LINGO2: variants seen among roughly 807,000 people sequenced by gnomAD.
The protein encoded by LINGO2 is leucine-rich repeat and immunoglobulin-like domain-containing nogo receptor-interacting protein 2.
A neutral mutation model predicts 30.6 loss-of-function variants in LINGO2; 14 were observed. That is an observed-to-expected ratio of 0.46 (90% CI 0.30 to 0.72). The LOEUF (loss-of-function observed/expected upper bound fraction) is 0.72, where lower values mean the gene tolerates loss of function less well. LINGO2 is among the 30% of genes least tolerant of loss of function. The pLI is 0.07. For synonymous variants in LINGO2, 317 were observed against 288.5 expected (o/e 1.10, Z -1.00); for missense variants, 729 against 751.7 (o/e 0.97, Z 0.35).
the LINGO2 span, among the ~76,000 whole-genome samples, chr9:29,022,947 C>T: frequency 6.7e-6 from 1 of 149,740 alleles, no homozygotes; most frequent in Non-Finnish European, 1.5e-5. Flanking sequence ...AAATAGTGAA[C>T]CAAACAAGGT....
intron 4 of LINGO2, among the ~76,000 whole-genome samples, chr9:28,151,139 C>T (rs1008369360): frequency 6.6e-6 from 1 of 152,066 alleles, no homozygotes; most frequent in Non-Finnish European, 1.5e-5. Flanking sequence ...TAAAGAAAAA[C>T]CTAAATAAGA....
chr9:28,203,584 G>T (rs1820312737), intron 4 of LINGO2, among the ~76,000 whole-genome samples: 1 of 151,968 alleles, frequency 6.6e-6, no homozygotes, highest in African/African-American at 2.4e-5. Context: ...CTCATCAAAG[G>T]TTTCCATAAA....
chr9:29,079,806 A>G, the LINGO2 span, among the ~76,000 whole-genome samples: 1 of 152,066 alleles, frequency 6.6e-6, no homozygotes, highest in East Asian at 1.9e-4. Context: ...TCAGAAAAAT[A>G]GAAGATGAAC....
chr9:28,767,079 G>C, the LINGO2 span, among the ~76,000 whole-genome samples: 1 of 151,196 alleles, frequency 6.6e-6, no homozygotes, highest in African/African-American at 2.5e-5. Context: ...TACCAGGTGT[G>C]GGGGAAGGTG....
At chr9:28,865,676 C>T in the LINGO2 span, among the ~76,000 whole-genome samples, 8 of 151,916 alleles carry the variant, frequency 5.3e-5, no homozygotes, top group African/African-American at 1.5e-4. Context: ...CCCAGCTACT[C>T]GGGAGGATGA....
At chr9:29,033,807 G>A in the LINGO2 span, among the ~76,000 whole-genome samples, 139 of 152,040 alleles carry the variant, frequency 9.1e-4, no homozygotes, top group African/African-American at 3.2e-3. Context: ...TTGCCACTTC[G>A]CATGTCAGAA....
At chr9:28,056,960 C>G (rs1397433945) in intron 4 of LINGO2, among the ~76,000 whole-genome samples, 1 of 152,080 alleles carries the variant, frequency 6.6e-6, no homozygotes, top group East Asian at 1.9e-4. Context: ...AAGAGAGTGT[C>G]TTGGTTTAGG....
At chr9:27,997,256 A>G (rs1399267011) in intron 5 of LINGO2, among the ~76,000 whole-genome samples, 1 of 152,200 alleles carries the variant, frequency 6.6e-6, no homozygotes, top group East Asian at 1.9e-4. Flanking sequence ...GCAGATGTGA[A>G]AGACTTAAGA....
intron 4 of LINGO2, among the ~76,000 whole-genome samples, chr9:28,237,155 GT>G (rs139511360): frequency 0.074 from 11,141 of 149,922 alleles, 561 homozygotes; most frequent in South Asian, 0.16. Context: ...TTTTTATTAG[GT>G]TTTTTTTGCA....
chr9:28,262,219 A>G (rs1180358353), intron 4 of LINGO2, among the ~76,000 whole-genome samples: 1 of 151,940 alleles, frequency 6.6e-6, no homozygotes, highest in Non-Finnish European at 1.5e-5. Context: ...GACGATGCTT[A>G]TAAATCACTT....
chr9:28,413,108 T>C (rs774981614), intron 2 of LINGO2, among the ~76,000 whole-genome samples: 27 of 152,156 alleles, frequency 1.8e-4, no homozygotes, highest in Non-Finnish European at 7.4e-5. Context: ...ACAGAATATG[T>C]GTTAATCTAC....
chr9:28,711,133 T>C, the LINGO2 span, among the ~76,000 whole-genome samples: 3 of 152,136 alleles, frequency 2.0e-5, no homozygotes, highest in African/African-American at 7.2e-5. Flanking sequence ...TAAAAAAATG[T>C]ATTTATTAAG....
intron 4 of LINGO2, among the ~76,000 whole-genome samples, chr9:28,186,089 A>T (rs1194749263): frequency 6.6e-6 from 1 of 151,632 alleles, no homozygotes; most frequent in Non-Finnish European, 1.5e-5. Context: ...ACCTCTTTTC[A>T]CTCCCTAGTT....
At chr9:28,588,939 A>C (rs751112109) in intron 1 of LINGO2, among the ~76,000 whole-genome samples, 1 of 152,110 alleles carries the variant, frequency 6.6e-6, no homozygotes, top group Non-Finnish European at 1.5e-5. Flanking sequence ...CCAGTGCTTC[A>C]AAGTAAGAGG....
chr9:28,990,073 G>A, the LINGO2 span, among the ~76,000 whole-genome samples: 14 of 152,356 alleles, frequency 9.2e-5, 1 homozygote, highest in South Asian at 2.9e-3. Flanking sequence ...CCATGCGTGA[G>A]CCGAAGCAGG....
At chr9:28,814,872 A>C in the LINGO2 span, among the ~76,000 whole-genome samples, 1 of 152,210 alleles carries the variant, frequency 6.6e-6, no homozygotes, top group Non-Finnish European at 1.5e-5. Flanking sequence ...AAGAGTGACA[A>C]AATCACTCAG....
the LINGO2 span, among the ~76,000 whole-genome samples, chr9:28,992,462 C>CAA: frequency 6.7e-6 from 1 of 150,278 alleles, no homozygotes; most frequent in African/African-American, 2.5e-5. Context: ...ATCAATGAGA[C>CAA]AAAGTTAACA....
At position 28,148,819 on chromosome 9, in the gene LINGO2, G is replaced by A. The variant is rs1248209028; in HGVS notation, c.-86-136414C>T. 14 of 1,533,744 alleles carry A rather than the reference G, an allele frequency of 9.1e-6. No homozygotes were observed. The highest frequency in any genetic ancestry group is 2.7e-5 in the African/African-American group (2 of 72,972). On this transcript the variant is annotated intron_variant, in intron 4 of 5. Coordinates refer to ENST00000379992, the Ensembl canonical transcript of LINGO2. This position sits in a 1 kb window ranked among gnomAD's most constrained non-coding sequence, Gnocchi z 5.1. ...CCCTGTGGCCAGAGAAGGCGGCCTTGAAGGTGCTGGGTAAAGACCACCTGC... is the reference window on the plus strand; with the variant it reads ...CCCTGTGGCCAGAGAAGGCGGCCTTAAAGGTGCTGGGTAAAGACCACCTGC...
chr9:27,942,617 GAA>G, the LINGO2 span: 3 of 152,000 alleles, frequency 2.0e-5, no homozygotes, highest in Admixed American at 6.6e-5. Context: ...CATTTTTTAC[GAA>G]AAGTTTTGTT....
Sources: gnomAD v4.1 joint callset for allele counts (sites outside exome capture counted in the v4.1 genomes callset) on GRCh38, gnomAD v4.1.1 for gene constraint, Gnocchi (gnomAD v3.1) non-coding constraint, MANE v1.5 for transcripts, NCBI Gene and HGNC (gene_info 2026-07-23, HGNC 2026-07-21) for gene names.